SESTD1: variants seen among roughly 807,000 people sequenced by gnomAD.
The protein encoded by SESTD1 is SEC14 domain and spectrin repeat-containing protein 1.
Under a neutral mutation model 101.7 loss-of-function variants are expected in SESTD1, and 43 were observed. The observed-to-expected ratio is 0.42, with a 90% confidence interval of 0.33 to 0.55. SESTD1 has a LOEUF of 0.55. Among genes scored for constraint, SESTD1 ranks in the 20% least tolerant of loss-of-function variants. The pLI is 0.07. For missense variants in SESTD1, 647 were observed against 815.1 expected (o/e 0.79, Z 2.51); for synonymous variants, 283 against 286.8 (o/e 0.99, Z 0.13).
intron 5 of SESTD1, among the ~76,000 whole-genome samples, chr2:179,163,633 C>T (rs2045782793): frequency 6.6e-6 from 1 of 151,020 alleles, no homozygotes; most frequent in Non-Finnish European, 1.5e-5. Flanking sequence ...TTGCTAAGTC[C>T]TTTCAAAGGC....
intron 1 of SESTD1, among the ~76,000 whole-genome samples, chr2:179,210,670 G>C (rs2105516904): frequency 7.4e-6 from 1 of 134,754 alleles, no homozygotes; most frequent in Non-Finnish European, 1.6e-5. Context: ...AATCAGCATA[G>C]AACAGACATA....
At chr2:179,247,799 T>C (rs1457635710) in intron 1 of SESTD1, among the ~76,000 whole-genome samples, 1 of 151,622 alleles carries the variant, frequency 6.6e-6, no homozygotes, top group East Asian at 1.9e-4. Flanking sequence ...ATGACTTAAA[T>C]GTACAGCAGA....
chr2:179,256,135 A>G (rs1358547329), intron 1 of SESTD1, among the ~76,000 whole-genome samples: 2 of 152,252 alleles, frequency 1.3e-5, no homozygotes, highest in African/African-American at 4.8e-5. Flanking sequence ...ACCTGCTGAC[A>G]CAAAAGTCAT....
At chr2:179,150,181 T>C (rs1575444635) in intron 6 of SESTD1, among the ~76,000 whole-genome samples, 3 of 152,302 alleles carry the variant, frequency 2.0e-5, no homozygotes, top group East Asian at 3.9e-4. Flanking sequence ...GTGGTGATCA[T>C]GCCACTGCAT....
chr2:179,110,099 A>C, intron 17 of SESTD1, 71 bp from the exon 18 acceptor site: 1 of 1,502,976 alleles, frequency 6.7e-7, no homozygotes, highest in Non-Finnish European at 9.1e-7. Context: ...TACAAATAGA[A>C]GCAAAAATTT....
Position 179,143,866 on chromosome 2 carries a change from T to C in SESTD1, c.638-63A>G, listed in dbSNP as rs1026428089. 6 of 1,539,900 alleles carry C rather than the reference T, an allele frequency of 3.9e-6. No individual in the cohort carries two copies. In the African/African-American group the frequency reaches 5.5e-5, roughly 14 times the overall value. On this transcript the variant is annotated intron_variant, in intron 8 of 17. Coordinates refer to ENST00000428443, the MANE Select transcript of SESTD1 (RefSeq NM_178123.5). ...AAGAAATGTAATTCTCACTTCTCAA[T>C]ATTCCCAATTCTAGTCCCTTGTTTT...
chr2:179,202,049 A>G (rs539323912), intron 1 of SESTD1, among the ~76,000 whole-genome samples: 3 of 132,594 alleles, frequency 2.3e-5, no homozygotes, highest in Non-Finnish European at 3.2e-5. Context: ...AGGGAAATTT[A>G]GGAAAGGAAT....
intron 7 of SESTD1, among the ~76,000 whole-genome samples, chr2:179,146,682 T>C (rs2045402995): frequency 6.6e-6 from 1 of 152,116 alleles, no homozygotes. Flanking sequence ...AATAACTACT[T>C]GGAAAAATAT....
Position 179,101,883 on chromosome 2 carries a change from T to C in SESTD1, c.*8016A>G, listed in dbSNP as rs567040277. 1 of 152,304 alleles carries C rather than the reference T, an allele frequency of 6.6e-6. No individual in the cohort carries two copies. Among genetic ancestry groups the C allele is most frequent in the Admixed American group, 6.5e-5 (1 of 15,278 alleles). 9.4% of individuals were successfully genotyped at this position (152,304 alleles called of 1,614,324 possible). ...TCTTCTATATATTTTTTTGCTTGTATGTTGAACTGTCACTCAAATGTACTT... is the reference window on the plus strand; with the variant it reads ...TCTTCTATATATTTTTTTGCTTGTACGTTGAACTGTCACTCAAATGTACTT... On this transcript the variant is annotated 3_prime_UTR_variant, in exon 18 of 18. Transcript: ENST00000428443.
At chr2:179,227,613 A>G (rs2105533871) in intron 1 of SESTD1, among the ~76,000 whole-genome samples, 1 of 152,340 alleles carries the variant, frequency 6.6e-6, no homozygotes, top group Admixed American at 6.5e-5. Context: ...CGGAACTATG[A>G]TAATTGTTTC....
chr2:179,197,981 G>T (rs554873656), intron 1 of SESTD1, among the ~76,000 whole-genome samples: 3 of 152,078 alleles, frequency 2.0e-5, no homozygotes, highest in East Asian at 3.9e-4. Flanking sequence ...AATGTAAATG[G>T]ACTAAATGCT....
chr2:179,168,063 A>G lies in SESTD1; in HGVS notation c.369+4057T>C, dbSNP rs180687407. Among the ~76,000 whole-genome samples, 105 of 152,218 alleles carry G rather than the reference A, an allele frequency of 6.9e-4. 1 individual carries two copies. Among genetic ancestry groups the G allele is most frequent in the African/African-American group, 2.1e-3 (89 of 41,562 alleles). On this transcript the variant is annotated intron_variant, in intron 5 of 17. Coordinates refer to ENST00000428443, the MANE Select transcript of SESTD1 (RefSeq NM_178123.5). ...CAAGAGCCACCGCACCCGGTGAGAA[A>G]GCACTTCTAAATACAGTTGACCCTT...
At chr2:179,234,598 T>C (rs560785569) in intron 1 of SESTD1, among the ~76,000 whole-genome samples, 1 of 152,138 alleles carries the variant, frequency 6.6e-6, no homozygotes, top group South Asian at 2.1e-4. Context: ...GCCAACATGG[T>C]GAAACCCCGT....
chr2:179,249,706 T>A (rs145165276), intron 1 of SESTD1, among the ~76,000 whole-genome samples: 21 of 152,144 alleles, frequency 1.4e-4, no homozygotes, highest in African/African-American at 5.1e-4. Context: ...CCTAAAACAA[T>A]TTTGGAAAAT....
chr2:179,182,311 G>C (rs1051622718), intron 3 of SESTD1, among the ~76,000 whole-genome samples: 1 of 151,956 alleles, frequency 6.6e-6, no homozygotes, highest in African/African-American at 2.4e-5. Flanking sequence ...CTTAATTGTA[G>C]TGGTTTACAA....
chr2:179,189,274 C>T (rs761160392), intron 2 of SESTD1, among the ~76,000 whole-genome samples: 1 of 152,138 alleles, frequency 6.6e-6, no homozygotes, highest in Non-Finnish European at 1.5e-5. Context: ...GTTCAACATG[C>T]ACAAATCAAT....
At chr2:179,193,892 C>T (rs1324402949) in intron 1 of SESTD1, among the ~76,000 whole-genome samples, 1 of 152,110 alleles carries the variant, frequency 6.6e-6, no homozygotes, top group East Asian at 1.9e-4. Flanking sequence ...CAGGTGGGAC[C>T]CTTGCCCCAG....
At chr2:179,194,225 T>C (rs1477623717) in intron 1 of SESTD1, among the ~76,000 whole-genome samples, 1 of 152,132 alleles carries the variant, frequency 6.6e-6, no homozygotes, top group Non-Finnish European at 1.5e-5. Context: ...TTGATGTTGT[T>C]TTCCAGTGCC....
At chr2:179,174,264 T>G in intron 4 of SESTD1, 1 of 361,184 alleles carries the variant, frequency 2.8e-6, no homozygotes, top group Non-Finnish European at 5.5e-6. Flanking sequence ...AATGACTTCA[T>G]ATGTAGAAAC....
Sources: allele counts gnomAD v4.1 joint callset (sites outside exome capture counted in the v4.1 genomes callset), GRCh38; gene constraint gnomAD v4.1.1; transcripts MANE v1.5; gene names NCBI Gene and HGNC (gene_info 2026-07-23, HGNC 2026-07-21).